Variants in GRID1 observed in about 807,000 individuals in gnomAD.
The protein encoded by GRID1 is glutamate receptor ionotropic, delta-1.
A neutral mutation model predicts 98.0 loss-of-function variants in GRID1; 28 were observed. The ratio of observed to expected loss-of-function variants is 0.29; its 90% confidence interval spans 0.21 to 0.39. GRID1 has a LOEUF of 0.39. Ranked by LOEUF, GRID1 falls within the 10% of genes least tolerant of loss-of-function variation. GRID1 has a pLI of 1.00. For missense variants in GRID1, 1,111 were observed against 1,340.5 expected (o/e 0.83, Z 2.67); for synonymous variants, 553 against 538.5 (o/e 1.03, Z -0.37).
chr10:86,320,296 C>T (rs1847952133), intron 2 of GRID1, among the ~76,000 whole-genome samples: 1 of 152,214 alleles, frequency 6.6e-6, no homozygotes, highest in South Asian at 2.1e-4. Context: ...TGAGAGATTA[C>T]TGTGCATTCC....
chr10:85,880,668 A>G (rs1380048314), intron 5 of GRID1, among the ~76,000 whole-genome samples: 1 of 152,018 alleles, frequency 6.6e-6, no homozygotes, highest in Non-Finnish European at 1.5e-5. Flanking sequence ...CCAATATCAT[A>G]CTGAATGGGC....
chr10:85,678,571 T>C (rs1445945985), intron 12 of GRID1, among the ~76,000 whole-genome samples: 1 of 152,184 alleles, frequency 6.6e-6, no homozygotes, highest in Non-Finnish European at 1.5e-5. Flanking sequence ...CTCTGCACCA[T>C]ATCTCTTCTC....
intron 2 of GRID1, among the ~76,000 whole-genome samples, chr10:86,305,629 C>A (rs1322538009): frequency 6.6e-6 from 1 of 152,064 alleles, no homozygotes; most frequent in African/African-American, 2.4e-5. Context: ...CGGTTTGCCC[C>A]CCACCACCAC....
At chr10:85,943,828 T>C (rs1028290537) in intron 4 of GRID1, among the ~76,000 whole-genome samples, 1 of 152,196 alleles carries the variant, frequency 6.6e-6, no homozygotes, top group Non-Finnish European at 1.5e-5. Context: ...TCGCAAACAA[T>C]GGCCACACGA....
chr10:85,642,521 C>A (rs1037653598), intron 13 of GRID1, among the ~76,000 whole-genome samples: 8 of 152,218 alleles, frequency 5.3e-5, no homozygotes, highest in Non-Finnish European at 8.8e-5. Flanking sequence ...AATCTTGTCT[C>A]CGATTTATCT....
intron 13 of GRID1, among the ~76,000 whole-genome samples, chr10:85,640,688 G>T (rs779725212): frequency 3.3e-5 from 5 of 152,188 alleles, no homozygotes; most frequent in African/African-American, 1.2e-4. Context: ...TCTGCCACAG[G>T]TGTAGTCCCT....
intron 4 of GRID1, among the ~76,000 whole-genome samples, chr10:86,026,614 A>T (rs909503274): frequency 6.6e-6 from 1 of 152,178 alleles, no homozygotes; most frequent in African/African-American, 2.4e-5. Flanking sequence ...CAAAAACCTA[A>T]TATGTACTTA....
At chr10:85,660,746 G>C (rs532942323) in intron 12 of GRID1, among the ~76,000 whole-genome samples, 5 of 152,058 alleles carry the variant, frequency 3.3e-5, no homozygotes, top group Non-Finnish European at 7.4e-5. Context: ...TCCAGGGCCT[G>C]GATTCTGGAC....
intron 4 of GRID1, among the ~76,000 whole-genome samples, chr10:86,078,872 A>T (rs1335927241): frequency 1.3e-5 from 2 of 152,228 alleles, no homozygotes; most frequent in Non-Finnish European, 2.9e-5. Context: ...GGAGCCAGCA[A>T]GGGTTTCCTC....
At chr10:86,320,464 T>C (rs1005632963) in intron 2 of GRID1, among the ~76,000 whole-genome samples, 1 of 152,124 alleles carries the variant, frequency 6.6e-6, no homozygotes, top group Non-Finnish European at 1.5e-5. Flanking sequence ...TCCACTTGTA[T>C]GAAATATCTG....
At chr10:85,961,892 A>C (rs1842272524) in intron 4 of GRID1, among the ~76,000 whole-genome samples, 1 of 152,110 alleles carries the variant, frequency 6.6e-6, no homozygotes, top group South Asian at 2.1e-4. Context: ...GAAGGAGGGA[A>C]GGAAAAGGAG....
At chr10:86,011,452 C>T (rs1842922800) in intron 4 of GRID1, among the ~76,000 whole-genome samples, 1 of 152,034 alleles carries the variant, frequency 6.6e-6, no homozygotes, top group Non-Finnish European at 1.5e-5. Context: ...TAATGCTCGA[C>T]TCCCAAAGAA....
intron 2 of GRID1, among the ~76,000 whole-genome samples, chr10:86,273,044 T>C (rs1409992132): frequency 1.3e-5 from 2 of 152,112 alleles, no homozygotes; most frequent in Non-Finnish European, 2.9e-5. Context: ...GTATATCTCC[T>C]AATGCTATCC....
At chr10:85,993,455 A>G (rs1414539134) in intron 4 of GRID1, among the ~76,000 whole-genome samples, 1 of 152,230 alleles carries the variant, frequency 6.6e-6, no homozygotes, top group Non-Finnish European at 1.5e-5. Context: ...ATGGACATTT[A>G]TATCAATCAA....
chr10:85,611,749 G>A (rs762349541), intron 15 of GRID1, among the ~76,000 whole-genome samples: 19 of 152,196 alleles, frequency 1.2e-4, no homozygotes, highest in Admixed American at 1.2e-3. Context: ...TGGTCATGGC[G>A]TGGAGGGGCT....
rs1312801510 is a variant in GRID1 at position 86,105,597 on chromosome 10, C to CAGCAGTGT, written c.726+33214_726+33221dup. Among the ~76,000 whole-genome samples the CAGCAGTGT allele has an allele frequency of 3.9e-5, 6 of 152,310 alleles. No individual in the cohort carries two copies. In the East Asian group the frequency reaches 1.2e-3, roughly 29 times the overall value. ...GCCCTAGGGGCCAGCTGCCCCTCCC[C>CAGCAGTGT]AGCAGTGTCCGGGGCACACGGAGCC... is the stretch of plus-strand genomic sequence containing the variant. On this transcript the variant is annotated intron_variant, in intron 4 of 15. Transcript: ENST00000327946.
chr10:85,619,832 G>C, intron 14 of GRID1, 35 bp downstream of exon 14: 1 of 1,561,550 alleles, frequency 6.4e-7, no homozygotes, highest in South Asian at 1.1e-5. Flanking sequence ...CTAGAGTCCT[G>C]AGGCAGCGGT....
At chr10:86,235,177 C>A (rs1302220760) in intron 2 of GRID1, among the ~76,000 whole-genome samples, 1 of 152,172 alleles carries the variant, frequency 6.6e-6, no homozygotes, top group African/African-American at 2.4e-5. Context: ...CCAGTCCCAA[C>A]CTCCTAGTCC....
At chr10:86,231,602 T>A (rs991571258) in intron 2 of GRID1, among the ~76,000 whole-genome samples, 3 of 152,166 alleles carry the variant, frequency 2.0e-5, no homozygotes, top group Non-Finnish European at 4.4e-5. Flanking sequence ...CGGGGTCATG[T>A]TATCTCTGTA....
Sources: gnomAD v4.1 joint callset for allele counts (sites outside exome capture counted in the v4.1 genomes callset) on GRCh38, gnomAD v4.1.1 for gene constraint, MANE v1.5 for transcripts, NCBI Gene and HGNC (gene_info 2026-07-23, HGNC 2026-07-21) for gene names.